RNF144A: variants seen among roughly 807,000 people sequenced by gnomAD.
RNF144A encodes the protein E3 ubiquitin-protein ligase RNF144A.
A neutral mutation model predicts 38.7 loss-of-function variants in RNF144A; 11 were observed. The observed-to-expected ratio is 0.28, with a 90% CI of 0.18 to 0.47. The LOEUF (loss-of-function observed/expected upper bound fraction) is 0.47, where lower values mean the gene tolerates loss of function less well. Among genes scored for constraint, RNF144A ranks in the 20% least tolerant of loss-of-function variants. The pLI, the probability that RNF144A is intolerant of heterozygous loss-of-function variation, is 0.99. For synonymous variants in RNF144A, 149 were observed against 143.9 expected (o/e 1.04, Z -0.25); for missense variants, 316 against 377.2 (o/e 0.84, Z 1.34).
intron 2 of RNF144A, among the ~76,000 whole-genome samples, chr2:6,971,341 G>C (rs776197552): frequency 2.0e-5 from 3 of 152,202 alleles, no homozygotes; most frequent in Non-Finnish European, 4.4e-5. Context: ...TGGCCAGGGT[G>C]TGGGGTCCCA....
At chr2:7,019,481 C>T (rs309308) in intron 5 of RNF144A, among the ~76,000 whole-genome samples, 41,194 of 152,172 alleles carry the variant, frequency 0.27, 6,669 homozygotes, top group Admixed American at 0.35. Flanking sequence ...CCTTTCAAGT[C>T]GTCTCTGAAA....
chr2:6,947,273 T>C (rs1303057301), intron 2 of RNF144A, among the ~76,000 whole-genome samples: 2 of 152,078 alleles, frequency 1.3e-5, no homozygotes, highest in Non-Finnish European at 2.9e-5. Context: ...TATCTTGTTT[T>C]TATTAATTAT....
At chr2:7,038,965 G>A (rs1672863511) in intron 8 of RNF144A, among the ~76,000 whole-genome samples, 1 of 151,760 alleles carries the variant, frequency 6.6e-6, no homozygotes, top group Admixed American at 6.6e-5. Flanking sequence ...TGATGGCTAG[G>A]TATTGATGGG....
chr2:7,073,211 C>A (rs767527804), downstream of RNF144A, among the ~76,000 whole-genome samples: 1 of 152,182 alleles, frequency 6.6e-6, no homozygotes, highest in Non-Finnish European at 1.5e-5. Flanking sequence ...CCTTCAAGAC[C>A]CAGCTCATGC....
chr2:7,014,142 C>T (rs921302300), intron 3 of RNF144A, among the ~76,000 whole-genome samples: 2 of 152,256 alleles, frequency 1.3e-5, no homozygotes, highest in African/African-American at 4.8e-5. Context: ...CTCCCAGCCT[C>T]CCTTGCTGCC....
chr2:6,956,105 C>T (rs192541265), intron 2 of RNF144A, among the ~76,000 whole-genome samples: 3 of 152,314 alleles, frequency 2.0e-5, no homozygotes, highest in East Asian at 3.9e-4. Context: ...TCCCTCCTAA[C>T]CCATTTAAAG....
chr2:7,054,032 T>A (rs1187448006), intron 6 of RNF144A, among the ~76,000 whole-genome samples: 1 of 152,170 alleles, frequency 6.6e-6, no homozygotes, highest in Non-Finnish European at 1.5e-5. Flanking sequence ...GGCTTGTGCT[T>A]GTGGCCAGAG....
rs1201746982 is a variant in RNF144A, at chr2:7,039,883, T to G, written c.*123T>G. ...TTATGTGCCCCATTGAGCTTCACAG[T>G]GTCAGGCTGGACGCCGTGATTTCAG... On this transcript the variant is annotated 3_prime_UTR_variant, in exon 9 of 9. Transcript: ENST00000320892. 1 of 1,470,360 alleles carries G rather than the reference T, an allele frequency of 6.8e-7. No individual in the cohort carries two copies. Among genetic ancestry groups the G allele is most frequent in the Non-Finnish European group, 9.0e-7 (1 of 1,109,182 alleles). 91.1% of individuals were successfully genotyped at this position (1,470,360 alleles called of 1,614,324 possible).
At chr2:7,029,673 C>T (rs1341915064) in intron 7 of RNF144A, among the ~76,000 whole-genome samples, 2 of 152,254 alleles carry the variant, frequency 1.3e-5, no homozygotes, top group African/African-American at 4.8e-5. Context: ...ATAGCCCTGT[C>T]ACTGCACCAG....
intron 6 of RNF144A, among the ~76,000 whole-genome samples, chr2:7,057,449 A>G (rs1480470505): frequency 6.6e-6 from 1 of 152,182 alleles, no homozygotes; most frequent in African/African-American, 2.4e-5. Flanking sequence ...AGGCAGTAAG[A>G]TGTTAGACAG....
At chr2:6,970,796 G>A (rs1667959266) in intron 2 of RNF144A, among the ~76,000 whole-genome samples, 1 of 152,182 alleles carries the variant, frequency 6.6e-6, no homozygotes, top group Admixed American at 6.5e-5. Flanking sequence ...ACAAGGCACA[G>A]GACTGCATTA....
chr2:6,922,904 G>A (rs1464452124), intron 1 of RNF144A, among the ~76,000 whole-genome samples: 2 of 152,134 alleles, frequency 1.3e-5, no homozygotes, highest in Non-Finnish European at 2.9e-5. Context: ...GATTACAGGC[G>A]TGAGCCACCG....
Position 6,934,111 on chromosome 2 carries a change from C to T in RNF144A, c.-211-6837C>T, listed in dbSNP as rs544036343. On this transcript the variant is annotated intron_variant, in intron 1 of 8. Transcript: ENST00000320892. ...AGTCATTTTCCAAAATGACATCTAC[C>T]GTTGTTCTGCTAAGAAATGGATGAA... Among the ~76,000 whole-genome samples, 13 of 152,206 alleles carry T rather than the reference C, an allele frequency of 8.5e-5. No individual in the cohort carries two copies. The South Asian group carries it at 1.0e-3, about 12-fold the overall frequency.
chr2:6,963,418 T>C (rs1239681523), intron 2 of RNF144A, among the ~76,000 whole-genome samples: 1 of 152,216 alleles, frequency 6.6e-6, no homozygotes, highest in Non-Finnish European at 1.5e-5. Context: ...CTTTCTGAGC[T>C]CGTAGACATT....
At chr2:6,929,509 T>C (rs1250924937) in intron 1 of RNF144A, among the ~76,000 whole-genome samples, 2 of 152,192 alleles carry the variant, frequency 1.3e-5, no homozygotes, top group East Asian at 1.9e-4. Flanking sequence ...CATATTTTTA[T>C]TTTAAATAAG....
At chr2:6,948,302 A>G (rs530879586) in intron 2 of RNF144A, among the ~76,000 whole-genome samples, 356 of 152,296 alleles carry the variant, frequency 2.3e-3, no homozygotes, top group South Asian at 0.022. Context: ...GAGGAGGTTG[A>G]TTTTTATTCT....
At chr2:7,028,672 T>C (rs1019413310) in intron 7 of RNF144A, among the ~76,000 whole-genome samples, 4 of 152,208 alleles carry the variant, frequency 2.6e-5, no homozygotes, top group African/African-American at 9.7e-5. Flanking sequence ...CAGTGGTGTG[T>C]AAATTAATGT....
intron 5 of RNF144A, among the ~76,000 whole-genome samples, chr2:7,016,510 CT>C (rs897884172): frequency 6.6e-6 from 1 of 151,228 alleles, no homozygotes; most frequent in Non-Finnish European, 1.5e-5. Flanking sequence ...GTCAGAAAAT[CT>C]TTTTTCCTTT....
chr2:6,922,747 C>G (rs1455423923), intron 1 of RNF144A, among the ~76,000 whole-genome samples: 1 of 151,938 alleles, frequency 6.6e-6, no homozygotes, highest in Admixed American at 6.6e-5. Context: ...GCCTCAGCCT[C>G]CCGAGTAGCT....
Sources: allele counts gnomAD v4.1 joint callset (sites outside exome capture counted in the v4.1 genomes callset), GRCh38; gene constraint gnomAD v4.1.1; transcripts MANE v1.5; gene names NCBI Gene and HGNC (gene_info 2026-07-23, HGNC 2026-07-21).